Variants in CADPS observed in about 807,000 individuals in gnomAD.
The protein encoded by CADPS is calcium dependent secretion activator, also known as calcium-dependent secretion activator 1.
In CADPS, 57 loss-of-function variants were observed where a neutral mutation model predicts 167.3. That is an observed-to-expected ratio of 0.34 (90% CI 0.28 to 0.42). The LOEUF (loss-of-function observed/expected upper bound fraction) is 0.42, where lower values mean the gene tolerates loss of function less well. Ranked by LOEUF, CADPS falls within the 20% of genes least tolerant of loss-of-function variation. CADPS has a pLI of 1.00. For missense variants in CADPS, 1,414 were observed against 1,738.1 expected, an observed-to-expected ratio of 0.81 and a Z score of 3.32; for synonymous variants, 676 against 635.3, an observed-to-expected ratio of 1.06 and a Z score of -0.96.
At chr3:62,444,829 A>G (rs1016002926) in intron 27 of CADPS, among the ~76,000 whole-genome samples, 3 of 152,196 alleles carry the variant, frequency 2.0e-5, no homozygotes, top group African/African-American at 7.2e-5. Context: ...AGAAAAAAAC[A>G]AATTTTAACA....
At chr3:62,407,027 T>C (rs1378613516) in intron 28 of CADPS, among the ~76,000 whole-genome samples, 1 of 152,178 alleles carries the variant, frequency 6.6e-6, no homozygotes, top group African/African-American at 2.4e-5. Flanking sequence ...TTATAGGCTT[T>C]TTCTGATGGG....
chr3:62,843,492 G>GGTGTGT (rs150223612), intron 1 of CADPS, among the ~76,000 whole-genome samples: 28 of 149,110 alleles, frequency 1.9e-4, no homozygotes, highest in South Asian at 1.7e-3. Flanking sequence ...TGGCAGTTGG[G>GGTGTGT]GTGTGTGTGT....
rs764266351 is a variant in CADPS, at chr3:62,592,630, T to G, written c.1437+7A>C. ...GTGGAGTTCCCCTTGTGATAAGAAG[T>G]GCTTACCCGCCCAAGCTCCTTGTCC... On this transcript the variant is annotated splice_region_variant and intron_variant, in intron 7 of 29. Coordinates refer to ENST00000383710, the MANE Select transcript of CADPS (RefSeq NM_003716.4). The G allele has an allele frequency of 3.1e-6, 5 of 1,609,376 alleles. 1 individual carries two copies. In the South Asian group the frequency reaches 5.5e-5, roughly 18 times the overall value.
At chr3:62,505,455 C>T (rs950964111) in intron 17 of CADPS, among the ~76,000 whole-genome samples, 1 of 152,162 alleles carries the variant, frequency 6.6e-6, no homozygotes, top group Non-Finnish European at 1.5e-5. Flanking sequence ...TACTAGATCA[C>T]GTGCTTATCC....
At chr3:62,548,526 A>G (rs973363914) in intron 11 of CADPS, among the ~76,000 whole-genome samples, 5 of 152,352 alleles carry the variant, frequency 3.3e-5, no homozygotes, top group African/African-American at 1.2e-4. Context: ...AAGAAGTTGT[A>G]TTTCCTGATC....
intron 1 of CADPS, among the ~76,000 whole-genome samples, chr3:62,822,881 TA>T (rs2073265152): frequency 6.6e-6 from 1 of 151,716 alleles, no homozygotes; most frequent in Non-Finnish European, 1.5e-5. Flanking sequence ...ATTAAAAAAA[TA>T]AAAGAGACAC....
Position 62,716,139 on chromosome 3 carries a change from A to G in CADPS, c.888+37302T>C, listed in dbSNP as rs567281367. ...TAGTGGCATGATCTTGGCTCATTGC[A>G]ACCTTTGCCTCTTGGGTTCAAGTGA... On this transcript the variant is annotated intron_variant, in intron 3 of 29. Transcript: ENST00000383710. Among the ~76,000 whole-genome samples, 11 of 152,168 alleles carry G rather than the reference A, an allele frequency of 7.2e-5. No individual in the cohort carries two copies. The South Asian group carries it at 2.3e-3, about 32-fold the overall frequency.
At chr3:62,590,877 G>A (rs1007446104) in intron 7 of CADPS, among the ~76,000 whole-genome samples, 2 of 151,904 alleles carry the variant, frequency 1.3e-5, no homozygotes, top group African/African-American at 4.8e-5. Flanking sequence ...TTTTTGAGAT[G>A]GAGTTTCACT....
chr3:62,435,754 A>G (rs563437469), intron 28 of CADPS, among the ~76,000 whole-genome samples: 3 of 152,136 alleles, frequency 2.0e-5, no homozygotes, highest in East Asian at 1.9e-4. Context: ...TCAGGAGGGT[A>G]TAACTAAGAC....
At chr3:62,776,267 G>C (rs969801863) in intron 1 of CADPS, among the ~76,000 whole-genome samples, 1 of 152,128 alleles carries the variant, frequency 6.6e-6, no homozygotes, top group African/African-American at 2.4e-5. Context: ...ACAGTACAGG[G>C]GCTTGCATGC....
rs770557343 is a variant in CADPS, at chr3:62,874,581, G to A, written c.441+8C>T. The A allele has an allele frequency of 1.9e-6, 3 of 1,543,316 alleles. No homozygotes were observed. The highest frequency in any genetic ancestry group is 2.6e-6 in the Non-Finnish European group (3 of 1,142,468). ...GTGCTGCTCCCTGGGCCTCCCAGGC[G>A]CACCTACCTTCTGCTGCCGGCGAGC... On this transcript the variant is annotated splice_region_variant and intron_variant, in intron 1 of 29. Coordinates refer to ENST00000383710, the MANE Select transcript of CADPS (RefSeq NM_003716.4). This position sits in a 1 kb window ranked among gnomAD's most constrained non-coding sequence, Gnocchi z 7.1.
chr3:62,515,952 A>G, intron 16 of CADPS, 107 bp downstream of exon 16: 1 of 1,361,292 alleles, frequency 7.3e-7, no homozygotes, highest in Non-Finnish European at 1.0e-6. Context: ...AGCTTAATAT[A>G]CTCAGACGGA....
chr3:62,481,726 G>T lies in CADPS; in HGVS notation c.3170C>A (p.Ala1057Glu). 1.3e-6 allele frequency: 2 copies of T among 1,597,426 alleles called. No individual in the cohort carries two copies. Among genetic ancestry groups the T allele is most frequent in the Non-Finnish European group, 1.7e-6 (2 of 1,174,940 alleles). The change falls in exon 22 of 30, where the codon GCG becomes GAG. Residue 1057 changes from alanine (A) to glutamate (E), a missense_variant. Physicochemically the swap from Ala to Glu is moderately radical, Grantham distance 107. This residue lies in a region of CADPS where 529 missense variants were observed against 629.6 expected (regional missense o/e 0.84). Coordinates refer to ENST00000383710, the MANE Select transcript of CADPS (RefSeq NM_003716.4). ...CTAATGTGAACTGAATACACACTCC[G>T]CATCATATATAGCAGCCATCCATGA... is the stretch of plus-strand genomic sequence containing the variant. Reference protein sequence around the residue: ...APSWMAAIYDADNGSGTSEDL... With the variant: ...APSWMAAIYDEDNGSGTSEDL...
intron 9 of CADPS, among the ~76,000 whole-genome samples, chr3:62,564,524 C>T (rs1232830707): frequency 6.6e-6 from 1 of 152,004 alleles, no homozygotes; most frequent in Non-Finnish European, 1.5e-5. Context: ...CAGAATATTA[C>T]AGTTTGTACA....
chr3:62,614,174 C>T (rs533646162), intron 6 of CADPS, among the ~76,000 whole-genome samples: 18 of 152,252 alleles, frequency 1.2e-4, no homozygotes, highest in Middle Eastern at 3.4e-3. Flanking sequence ...AAGAGGTTTC[C>T]ACATATTATT....
chr3:62,402,385 C>T (rs964131582), intron 29 of CADPS, among the ~76,000 whole-genome samples: 8 of 152,072 alleles, frequency 5.3e-5, no homozygotes, highest in African/African-American at 1.9e-4. Flanking sequence ...TTTTAAAACC[C>T]TCTATGGTGA....
intron 6 of CADPS, among the ~76,000 whole-genome samples, chr3:62,593,262 C>T (rs1000694750): frequency 2.0e-5 from 3 of 152,100 alleles, no homozygotes; most frequent in Non-Finnish European, 4.4e-5. Context: ...TGGAGCTCCA[C>T]CCTGTTAAGG....
chr3:62,469,167 G>T (rs967372585), intron 24 of CADPS, among the ~76,000 whole-genome samples: 4 of 152,124 alleles, frequency 2.6e-5, no homozygotes, highest in Admixed American at 6.5e-5. Context: ...TTATCATGTA[G>T]CAAAGAGGTA....
chr3:62,735,841 A>G (rs142594914), intron 3 of CADPS, among the ~76,000 whole-genome samples: 1 of 152,330 alleles, frequency 6.6e-6, no homozygotes, highest in East Asian at 1.9e-4. Context: ...CACAGATGAT[A>G]CTGTAGGAGA....
Sources: gnomAD v4.1 joint callset for allele counts (sites outside exome capture counted in the v4.1 genomes callset) on GRCh38, gnomAD v4.1.1 for gene constraint, gnomAD v4.1.1 regional missense constraint, Gnocchi (gnomAD v3.1) non-coding constraint, MANE v1.5 for transcripts, NCBI Gene and HGNC (gene_info 2026-07-23, HGNC 2026-07-21) for gene names.